Variants in ORC1 observed in about 807,000 individuals in gnomAD.
ORC1 encodes origin recognition complex subunit 1.
ORC1 carries 61 observed loss-of-function variants against 98.9 expected under a neutral mutation model. The ratio of observed to expected loss-of-function variants is 0.62; its 90% CI spans 0.50 to 0.76. The LOEUF (loss-of-function observed/expected upper bound fraction) is 0.76, where lower values mean the gene tolerates loss of function less well. ORC1 is among the 30% of genes least tolerant of loss of function. The probability of loss-of-function intolerance (pLI) is 0.00; values close to 1 mark genes in which losing one functional copy is unlikely to be tolerated. For missense variants in ORC1, 979 were observed against 1,072.2 expected (o/e 0.91, Z 1.21); for synonymous variants, 385 against 406.9 (o/e 0.95, Z 0.65).
chr1:52,398,445 G>A (rs928464014), intron 3 of ORC1, among the ~76,000 whole-genome samples: 10 of 150,774 alleles, frequency 6.6e-5, no homozygotes, highest in Non-Finnish European at 1.2e-4. Flanking sequence ...TATATTTTTA[G>A]TAGAGATAGG....
intron 14 of ORC1, among the ~76,000 whole-genome samples, chr1:52,378,786 C>G (rs1252411214): frequency 6.6e-6 from 1 of 151,822 alleles, no homozygotes; most frequent in Non-Finnish European, 1.5e-5. Context: ...GTAATCCCAG[C>G]ACTTTGGGAG....
intron 3 of ORC1, among the ~76,000 whole-genome samples, chr1:52,399,476 T>G (rs973190056): frequency 6.6e-6 from 1 of 151,556 alleles, no homozygotes; most frequent in Admixed American, 6.6e-5. Context: ...TACAAAAAAT[T>G]AGCTGGGCAT....
At chr1:52,406,467 G>C (rs1648001672), upstream of ORC1, among the ~76,000 whole-genome samples, 2 of 152,160 alleles carry the variant, frequency 1.3e-5, no homozygotes, top group South Asian at 2.1e-4. Flanking sequence ...AACAACAAAA[G>C]GTGGTGGTTA....
chr1:52,377,179 C>T (rs1267703703), intron 14 of ORC1, among the ~76,000 whole-genome samples: 3 of 152,162 alleles, frequency 2.0e-5, no homozygotes, highest in Non-Finnish European at 4.4e-5. Context: ...TCTGCCACCA[C>T]ACCTGGCTAA....
At chr1:52,375,377 G>A in intron 15 of ORC1, 53 bp downstream of exon 15, 1 of 1,543,760 alleles carries the variant, frequency 6.5e-7, no homozygotes. Context: ...GCTTAGAAAG[G>A]GAAACATGTT....
rs1002700374 is a variant in ORC1, at chr1:52,391,496, A to T, written c.1082+1947T>A. 1.3e-5 allele frequency among the ~76,000 whole-genome samples: 2 copies of T among 152,236 alleles called. 1 individual carries two copies. The highest frequency in any genetic ancestry group is 4.8e-5 in the African/African-American group (2 of 41,464). Reference sequence around the variant, plus strand: ...AAGAAATAATCAGCAGACAACCCACAGAGTGGGAGAAAATATTTGCAAACT... The same window carrying T: ...AAGAAATAATCAGCAGACAACCCACTGAGTGGGAGAAAATATTTGCAAACT... On this transcript the variant is annotated intron_variant, in intron 6 of 16. Transcript: ENST00000371568.
upstream of ORC1, among the ~76,000 whole-genome samples, chr1:52,405,436 G>A (rs1248040557): frequency 1.3e-5 from 2 of 152,208 alleles, no homozygotes; most frequent in Non-Finnish European, 2.9e-5. Flanking sequence ...AACATTGCTA[G>A]AACTTTCTTC....
intron 14 of ORC1, among the ~76,000 whole-genome samples, chr1:52,378,062 T>TG (rs1647016821): frequency 6.6e-6 from 1 of 152,104 alleles, no homozygotes; most frequent in Non-Finnish European, 1.5e-5. Context: ...AAAACCGGGC[T>TG]GGGGCGGGGC....
intron 14 of ORC1, 36 bp from the exon 15 acceptor site, chr1:52,375,635 T>C (rs1396276198): frequency 1.1e-5 from 18 of 1,605,716 alleles, no homozygotes; most frequent in Non-Finnish European, 1.5e-5. Context: ...GAGGCCACCT[T>C]AGCCCAGAAG....
At position 52,393,639 on chromosome 1, in the gene ORC1, T is replaced by G. The variant is rs986424506; in HGVS notation, c.886A>C (p.Thr296Pro). The change falls in exon 6 of 17, where the codon ACC becomes CCC. Residue 296 changes from threonine to proline, a missense_variant. Thr to Pro is a conservative substitution (Grantham distance 38). Coordinates refer to ENST00000371568, the MANE Select transcript of ORC1 (RefSeq NM_004153.4). ...LSPALKAPEK[T>P]RETGLSYTED... ...GTATAAGAGAGTCCAGTCTCTCTGG[T>G]TTTCTCTGGGGCTTTCAGAGCTGGA... The G allele has an allele frequency of 6.2e-7, 1 of 1,614,154 alleles. No individual in the cohort carries two copies. The highest frequency in any genetic ancestry group is 8.5e-7 in the Non-Finnish European group (1 of 1,180,014).
At chr1:52,389,050 T>C (rs1006740157) in intron 7 of ORC1, among the ~76,000 whole-genome samples, 167 bp downstream of exon 7, 3 of 152,190 alleles carry the variant, frequency 2.0e-5, no homozygotes, top group African/African-American at 4.8e-5. Context: ...TTCTTGCCCC[T>C]TCAGACTAAG....
chr1:52,395,981 T>C, intron 5 of ORC1, 65 bp downstream of exon 5: 2 of 1,606,938 alleles, frequency 1.2e-6, no homozygotes, highest in South Asian at 2.2e-5. Context: ...TCCCATAAAT[T>C]ATCATTTTTA....
At chr1:52,378,737 A>C (rs1206833350) in intron 14 of ORC1, among the ~76,000 whole-genome samples, 7 of 151,944 alleles carry the variant, frequency 4.6e-5, no homozygotes, top group African/African-American at 1.7e-4. Context: ...TTAAAAATAT[A>C]ATTTTGCAAG....
At chr1:52,402,393 A>G (rs1647755015) in intron 1 of ORC1, among the ~76,000 whole-genome samples, 165 bp from the exon 2 acceptor site, 1 of 152,236 alleles carries the variant, frequency 6.6e-6, no homozygotes, top group African/African-American at 2.4e-5. Context: ...ATTTGAAGTC[A>G]TGGTCTACGA....
chr1:52,377,836 T>A (rs1388477069), intron 14 of ORC1, among the ~76,000 whole-genome samples: 1 of 144,764 alleles, frequency 6.9e-6, no homozygotes, highest in Non-Finnish European at 1.5e-5. Context: ...GACAAAAAAA[T>A]AAGAAAACCA....
chr1:52,404,959 T>A, upstream of ORC1: 1 of 1,540,674 alleles, frequency 6.5e-7, no homozygotes, highest in Admixed American at 1.9e-5. Context: ...GACTAGCGAC[T>A]GGCCTCTGGG....
At position 52,389,241 on chromosome 1, in the gene ORC1, A is replaced by T; in HGVS notation, c.1163T>A (p.Met388Lys). 1.2e-6 allele frequency: 2 copies of T among 1,614,184 alleles called. No individual in the cohort carries two copies. The highest frequency in any genetic ancestry group is 1.7e-6 in the Non-Finnish European group (2 of 1,179,982). ...CCGAAGCTGCTGCCTAATCCGATTC[A>T]TAGTCAAGACAGAACTCTTTCTGCG... ...RIRRKSSVLT[M>K]NRIRQQLRFL... is the part of the protein sequence containing the mutation. The change falls in exon 7 of 17, where the codon ATG (methionine) becomes AAG (lysine). Residue 388 changes from methionine to lysine, a missense_variant. Transcript: ENST00000371568.
chr1:52,393,561 T>C lies in ORC1; in HGVS notation c.964A>G (p.Ile322Val). The C allele has an allele frequency of 1.2e-6, 2 of 1,614,162 alleles. No homozygotes were observed. The highest frequency in any genetic ancestry group is 2.2e-5 in the South Asian group (2 of 91,080). The change falls in exon 6 of 17, where the codon ATT (isoleucine) becomes GTT (valine). Residue 322 changes from isoleucine (I) to valine (V), a missense_variant. Ile to Val is a conservative substitution (Grantham distance 29, BLOSUM62 3). Transcript: ENST00000371568. ...PEHRIILRTR[I>V]AASKTIDIRE... is the part of the protein sequence containing the mutation. Reference sequence around the variant, plus strand: ...ATGTCTATGGTTTTCGAAGCTGCAATTCGGGTTCTCAGGATTATGCGATGT... The same window carrying C: ...ATGTCTATGGTTTTCGAAGCTGCAACTCGGGTTCTCAGGATTATGCGATGT...
Position 52,375,544 on chromosome 1 carries a change from G to C in ORC1, c.2189C>G (p.Thr730Arg). 6.2e-7 allele frequency: 1 copy of C among 1,614,146 alleles called. No homozygotes were observed. The highest frequency in any genetic ancestry group is 8.5e-7 in the Non-Finnish European group (1 of 1,180,026). ...RRCLDICRRA[T>R]EICEFSQQKP... The stretch of plus-strand genomic sequence containing the variant: ...CTGCTGGGAGAACTCACAGATCTCT[G>C]TGGCACGCCTGCAGATGTCCAGGCA... The change falls in exon 15 of 17, where the codon ACA (threonine) becomes AGA (arginine). Residue 730 changes from threonine (T) to arginine (R), a missense_variant. By Grantham distance (71) the Thr-to-Arg change is moderately conservative. Coordinates refer to ENST00000371568, the MANE Select transcript of ORC1 (RefSeq NM_004153.4).
Sources: gnomAD v4.1 joint callset for allele counts (sites outside exome capture counted in the v4.1 genomes callset) on GRCh38, gnomAD v4.1.1 for gene constraint, MANE v1.5 for transcripts, NCBI Gene and HGNC (gene_info 2026-07-23, HGNC 2026-07-21) for gene names.